C3: variants seen among roughly 807,000 people sequenced by gnomAD.
C3 encodes the protein C3 and PZP-like alpha-2-macroglobulin domain-containing protein 1.
In C3, 97 loss-of-function variants were observed where a neutral mutation model predicts 207.9. The observed-to-expected ratio is 0.47, with a 90% CI of 0.40 to 0.55. C3 has a LOEUF of 0.55. C3 is among the 20% of genes least tolerant of loss of function. The pLI is 0.00. For synonymous variants in C3, 848 were observed against 857.6 expected, an observed-to-expected ratio of 0.99 and a Z score of 0.20; for missense variants, 1,684 against 2,171.7, an observed-to-expected ratio of 0.78 and a Z score of 4.46.
In C3 at chr19:6,707,816, C is replaced by T; in HGVS notation, c.1959G>A (p.Gln653=). The change falls in exon 15 of 41, where the codon CAG becomes CAA. Residue 653 remains glutamine (Q), a synonymous_variant. Coordinates refer to ENST00000245907, the MANE Select transcript of C3 (RefSeq NM_000064.4). ...CGACCTCACCTGCCCTCTGGGCGGT[C>T]TGCTGGCCACTGCTGCTCGTGAAGG... is the stretch of plus-strand genomic sequence containing the variant. ...GLTFTSSSGQ[Q]TAQRAELQCP... is the part of the protein sequence containing the mutation. 6.2e-7 allele frequency: 1 copy of T among 1,613,722 alleles called. No individual in the cohort carries two copies. The highest frequency in any genetic ancestry group is 8.5e-7 in the Non-Finnish European group (1 of 1,179,996).
intron 24 of C3, among the ~76,000 whole-genome samples, chr19:6,693,781 T>C (rs1918229769): frequency 3.3e-5 from 5 of 151,548 alleles, no homozygotes; most frequent in Non-Finnish European, 1.5e-5. Flanking sequence ...GGAAGAGGCA[T>C]GGCCTGGAGA....
chr19:6,713,142 C>G, intron 9 of C3, 47 bp downstream of exon 9: 1 of 1,611,720 alleles, frequency 6.2e-7, no homozygotes, highest in South Asian at 1.1e-5. Context: ...CCCTCTCAGA[C>G]CGGCCCACTT....
intron 35 of C3, among the ~76,000 whole-genome samples, chr19:6,680,709 A>G (rs1214883381): frequency 3.3e-5 from 5 of 152,132 alleles, no homozygotes; most frequent in African/African-American, 1.2e-4. Context: ...TTAAGACCCC[A>G]TATTCTTAGG....
At chr19:6,718,916 GA>G (rs1186277896) in intron 2 of C3, among the ~76,000 whole-genome samples, 1 of 145,604 alleles carries the variant, frequency 6.9e-6, no homozygotes. Context: ...AGAAGGGGAG[GA>G]GTCTCAGAAG....
intron 27 of C3, 104 bp downstream of exon 27, chr19:6,690,525 C>G: frequency 1.2e-6 from 1 of 858,204 alleles, no homozygotes; most frequent in Non-Finnish European, 2.0e-6. Flanking sequence ...TGTTATTGCA[C>G]TGGGAGAGCT....
At position 6,709,726 on chromosome 19, in the gene C3, G is replaced by T. The variant is rs370859261; in HGVS notation, c.1803C>A (p.Gly601=). 1.2e-6 allele frequency: 2 copies of T among 1,613,372 alleles called. No individual in the cohort carries two copies. The highest frequency in any genetic ancestry group is 1.3e-5 in the African/African-American group (1 of 74,826). Residue 601 remains glycine (G), a synonymous_variant, in exon 14 of 41, where the codon GGC becomes GGA. Transcript: ENST00000245907. ...ARVVLVAVDK[G]VFVLNKKNKL... is the part of the protein sequence containing the mutation. ...TGTTCTTCTTATTCAGCACGAACAC[G>T]CCCTTGTCCACGGCCACCAGTACCA... is the stretch of plus-strand genomic sequence containing the variant.
chr19:6,711,122 G>A lies in C3; in HGVS notation c.1344C>T (p.Thr448=), dbSNP rs150934856. Residue 448 remains threonine (T), a synonymous_variant, in exon 12 of 41, where the codon ACC becomes ACT. Coordinates refer to ENST00000245907, the MANE Select transcript of C3 (RefSeq NM_000064.4). ...GCAGGTAATTGTTGGAGTTGCCCAC[G>A]GTGCTGTAGGGCAGAGCCTGCATGG... is the stretch of plus-strand genomic sequence containing the variant. The part of the protein sequence containing the change: ...TRTMQALPYS[T]VGNSNNYLHL... The A allele has an allele frequency of 1.7e-4, 271 of 1,613,944 alleles. No homozygotes were observed. The African/African-American group carries it at 2.9e-3, about 17-fold the overall frequency.
chr19:6,700,217 C>A (rs62125106), intron 19 of C3, among the ~76,000 whole-genome samples: 81,395 of 114,958 alleles, frequency 0.71, 29,599 homozygotes, highest in East Asian at 0.87. Flanking sequence ...GTATATATTA[C>A]ATATATATTA....
rs143680252 is a variant in C3, at chr19:6,681,918, AG to A, written c.4350+22del. 3,027 of 1,577,532 alleles carry A rather than the reference AG, an allele frequency of 1.9e-3. 49 individuals carry two copies. The African/African-American group carries it at 0.034, about 18-fold the overall frequency. On this transcript the variant is annotated intron_variant, in intron 35 of 40. Transcript: ENST00000245907. ...GTCAGGGTGCCCCTGGAAGCCTCCCAGGGGAGGATGATGCAGCCTTACCTTG... is the reference window on the plus strand; with the variant it reads ...GTCAGGGTGCCCCTGGAAGCCTCCCAGGGAGGATGATGCAGCCTTACCTTG...
intron 19 of C3, among the ~76,000 whole-genome samples, chr19:6,701,171 T>C (rs975008468): frequency 2.0e-5 from 3 of 152,182 alleles, no homozygotes; most frequent in Non-Finnish European, 4.4e-5. Context: ...AGGGGACTTA[T>C]CAGGTCCTAG....
Position 6,720,522 on chromosome 19 carries a change from C to G in C3, c.68G>C (p.Ser23Thr), listed in dbSNP as rs771249936. ...LLTHLPLALG[S>T]PMYSIITPNI... ...TAGAGTCATAACCACTCACATGGGA[C>G]TCCCCAGAGCCAGGGGGAGGTGGGT... is the stretch of plus-strand genomic sequence containing the variant. The change falls in exon 1 of 41, where the codon AGT (serine) becomes ACT (threonine). Residue 23 changes from serine (S) to threonine (T), a missense_variant. Coordinates refer to ENST00000245907, the MANE Select transcript of C3 (RefSeq NM_000064.4). 1 of 1,590,528 alleles carries G rather than the reference C, an allele frequency of 6.3e-7. No individual in the cohort carries two copies. Among genetic ancestry groups the G allele is most frequent in the South Asian group, 1.1e-5 (1 of 87,292 alleles).
chr19:6,701,236 G>A lies in C3; in HGVS notation c.2440+891C>T, dbSNP rs555698265. On this transcript the variant is annotated intron_variant, in intron 19 of 40. Coordinates refer to ENST00000245907, the MANE Select transcript of C3 (RefSeq NM_000064.4). ...CGATGATGAGCATGTGCACTGCTCC[G>A]AAAACACCCTAGAGTTGTGTTTTGC... Among the ~76,000 whole-genome samples the A allele has an allele frequency of 4.8e-4, 73 of 152,150 alleles. 1 individual carries two copies. In the South Asian group the frequency reaches 0.013, roughly 28 times the overall value.
intron 28 of C3, chr19:6,686,533 G>A (rs1278104551): frequency 2.7e-6 from 2 of 733,188 alleles, no homozygotes; most frequent in East Asian, 4.9e-5. Flanking sequence ...TTTCTCGTGT[G>A]GTTTACAATG....
intron 19 of C3, among the ~76,000 whole-genome samples, chr19:6,700,220 A>C (rs950168693): frequency 3.0e-5 from 4 of 133,830 alleles, no homozygotes; most frequent in African/African-American, 8.0e-5. Flanking sequence ...TATATTACAT[A>C]TATATTATAT....
intron 14 of C3, 73 bp downstream of exon 14, chr19:6,709,611 T>TTGCCCCCCCCCCCC: frequency 4.5e-6 from 5 of 1,109,438 alleles, no homozygotes; most frequent in Non-Finnish European, 6.8e-6. Context: ...CCCTCTCCAG[T>TTGCCCCCCCCCCCC]CCCACCCACC....
At chr19:6,701,773 C>T (rs1203329873) in intron 19 of C3, among the ~76,000 whole-genome samples, 3 of 152,192 alleles carry the variant, frequency 2.0e-5, no homozygotes, top group Non-Finnish European at 4.4e-5. Context: ...GATTCCCCTG[C>T]CTCAGCCTCC....
intron 11 of C3, among the ~76,000 whole-genome samples, chr19:6,711,627 C>T (rs1967924642): frequency 6.6e-6 from 1 of 152,204 alleles, no homozygotes; most frequent in Non-Finnish European, 1.5e-5. Context: ...GGCCATTTCT[C>T]ATGGTAGCCA....
At chr19:6,686,539 C>T (rs1040131090) in intron 28 of C3, 22 of 737,836 alleles carry the variant, frequency 3.0e-5, no homozygotes, top group Admixed American at 1.0e-4. Flanking sequence ...GTGTGGTTTA[C>T]AATGAGGACC....
At chr19:6,716,125 A>T (rs1418949465) in intron 4 of C3, among the ~76,000 whole-genome samples, 1 of 152,122 alleles carries the variant, frequency 6.6e-6, no homozygotes, top group African/African-American at 2.4e-5. Context: ...TAGTCTCCCT[A>T]GCTTTCCCAG....
Sources: gnomAD v4.1 joint callset for allele counts (sites outside exome capture counted in the v4.1 genomes callset) on GRCh38, gnomAD v4.1.1 for gene constraint, MANE v1.5 for transcripts, NCBI Gene and HGNC (gene_info 2026-07-23, HGNC 2026-07-21) for gene names.